ITSN2: variants seen among roughly 807,000 people sequenced by gnomAD.
The protein encoded by ITSN2 is intersectin-2.
Under a neutral mutation model 243.7 loss-of-function variants are expected in ITSN2, and 156 were observed. That is an observed-to-expected ratio of 0.64 (90% confidence interval 0.56 to 0.73). ITSN2 has a LOEUF of 0.73. Among genes scored for constraint, ITSN2 ranks in the 30% least tolerant of loss-of-function variants. ITSN2 has a pLI of 0.00. For synonymous variants in ITSN2, 703 were observed against 699.9 expected (o/e 1.00, Z -0.07); for missense variants, 1,801 against 1,996.1 (o/e 0.90, Z 1.86).
intron 19 of ITSN2, 97 bp downstream of exon 19, chr2:24,271,669 A>T: frequency 7.2e-7 from 1 of 1,392,644 alleles, no homozygotes; most frequent in Non-Finnish European, 9.4e-7. Flanking sequence ...CTCTACAATT[A>T]GTATCTTTCT....
At chr2:24,327,998 C>A (rs1685340222) in intron 2 of ITSN2, 54 bp downstream of exon 2, 3 of 1,247,434 alleles carry the variant, frequency 2.4e-6, no homozygotes, top group African/African-American at 1.5e-5. Context: ...AAACCTCTAC[C>A]AAAAAAAAAA....
At chr2:24,339,034 T>C (rs970523422) in intron 1 of ITSN2, among the ~76,000 whole-genome samples, 5 of 152,132 alleles carry the variant, frequency 3.3e-5, no homozygotes, top group African/African-American at 7.2e-5. Flanking sequence ...AGTGTGCAGA[T>C]AGGCTCTGTT....
At chr2:24,246,576 A>G (rs1053480518) in intron 28 of ITSN2, among the ~76,000 whole-genome samples, 13 of 152,216 alleles carry the variant, frequency 8.5e-5, no homozygotes, top group Admixed American at 2.0e-4. Flanking sequence ...TTTCACATTG[A>G]AAGATTTCAA....
chr2:24,204,109 A>G lies in ITSN2; in HGVS notation c.4936+136T>C, dbSNP rs1439713436. The G allele has an allele frequency of 3.4e-6, 3 of 876,734 alleles. No homozygotes were observed. The highest frequency in any genetic ancestry group is 5.3e-6 in the Non-Finnish European group (3 of 564,518). The allele number at this position is 876,734 out of a possible 1,614,324, so 54.3% of individuals were successfully genotyped here. ...TGAGGAAGGCCACCCACCTGCTGCCAAAGCGAGATGACACAGGCCTGTGTC... is the reference window on the plus strand; with the variant it reads ...TGAGGAAGGCCACCCACCTGCTGCCGAAGCGAGATGACACAGGCCTGTGTC... On this transcript the variant is annotated intron_variant, in intron 39 of 39. Coordinates refer to ENST00000355123, the MANE Select transcript of ITSN2 (RefSeq NM_006277.3). This position sits in a 1 kb window ranked among gnomAD's most constrained non-coding sequence, Gnocchi z 5.1.
intron 29 of ITSN2, among the ~76,000 whole-genome samples, chr2:24,229,976 C>T (rs1671420302): frequency 6.6e-6 from 1 of 152,152 alleles, no homozygotes; most frequent in Admixed American, 6.5e-5. Flanking sequence ...GAACTTTCCT[C>T]GACATACTCA....
intron 29 of ITSN2, among the ~76,000 whole-genome samples, chr2:24,235,537 G>A (rs1672065952): frequency 1.3e-5 from 2 of 152,264 alleles, no homozygotes; most frequent in South Asian, 2.1e-4. Flanking sequence ...CTGCTCTGGT[G>A]GGGGTTGTTG....
intron 8 of ITSN2, among the ~76,000 whole-genome samples, chr2:24,304,805 T>C (rs1020989568): frequency 2.6e-5 from 4 of 152,156 alleles, no homozygotes; most frequent in African/African-American, 9.7e-5. Flanking sequence ...AAAATCATAC[T>C]CGTGGAGGGC....
chr2:24,300,425 A>T (rs2151661112), intron 11 of ITSN2, among the ~76,000 whole-genome samples: 1 of 152,330 alleles, frequency 6.6e-6, no homozygotes, highest in South Asian at 2.1e-4. Flanking sequence ...TGCCAATAAA[A>T]ATACTTTTTC....
chr2:24,217,806 TGAA>T, intron 31 of ITSN2, 98 bp downstream of exon 31: 1 of 652,370 alleles, frequency 1.5e-6, no homozygotes, highest in African/African-American at 1.8e-5. Flanking sequence ...AGAAAGCAGT[TGAA>T]GTTCCTTTGC....
intron 8 of ITSN2, among the ~76,000 whole-genome samples, chr2:24,305,972 T>C (rs1309335860): frequency 1.3e-5 from 2 of 152,166 alleles, no homozygotes; most frequent in African/African-American, 2.4e-5. Flanking sequence ...CTCTTAAGTG[T>C]GCTGCCTAAT....
chr2:24,337,283 A>ATG (rs1311793889), intron 1 of ITSN2, among the ~76,000 whole-genome samples: 121 of 28,622 alleles, frequency 4.2e-3, no homozygotes, highest in African/African-American at 7.8e-3. Context: ...ATATGTATGT[A>ATG]TGTGTGTGTG....
At position 24,261,117 on chromosome 2, in the gene ITSN2, T is replaced by C. The variant is rs1675788991; in HGVS notation, c.2671A>G (p.Ile891Val). Residue 891 changes from isoleucine to valine, a missense_variant, in exon 22 of 40, where the codon ATT (isoleucine) becomes GTT (valine). Ile to Val is a conservative substitution (Grantham distance 29). Transcript: ENST00000355123. ...RTVSPGSVSP[I>V]HGQGQVVENL... is the part of the protein sequence containing the mutation. Reference sequence around the variant, plus strand: ...AACAGACAACATACCTGTCCATGAATAGGTGATACAGATCCAGGGGACACA... The same window carrying C: ...AACAGACAACATACCTGTCCATGAACAGGTGATACAGATCCAGGGGACACA... 1 of 1,613,126 alleles carries C rather than the reference T, an allele frequency of 6.2e-7. No homozygotes were observed. Among genetic ancestry groups the C allele is most frequent in the Non-Finnish European group, 8.5e-7 (1 of 1,179,572 alleles).
intron 29 of ITSN2, among the ~76,000 whole-genome samples, chr2:24,231,171 T>C (rs1671553764): frequency 6.6e-6 from 1 of 152,204 alleles, no homozygotes; most frequent in Non-Finnish European, 1.5e-5. Context: ...AGAACTCCCA[T>C]TCCTCTTCCC....
intron 36 of ITSN2, 75 bp downstream of exon 36, chr2:24,209,019 CTGGAGA>C: frequency 6.6e-7 from 1 of 1,515,758 alleles, no homozygotes; most frequent in Non-Finnish European, 9.1e-7. Flanking sequence ...TTAAGCACGG[CTGGAGA>C]TGGGTTTATG....
intron 2 of ITSN2, among the ~76,000 whole-genome samples, chr2:24,321,043 G>A (rs559260525): frequency 1.1e-4 from 16 of 152,176 alleles, no homozygotes; most frequent in Non-Finnish European, 1.5e-4. Context: ...CAAGGGAGAG[G>A]AACCCTTGGG....
chr2:24,336,017 G>C (rs1416496784), intron 1 of ITSN2, among the ~76,000 whole-genome samples: 1 of 151,678 alleles, frequency 6.6e-6, no homozygotes, highest in Non-Finnish European at 1.5e-5. Flanking sequence ...CGAGGCAGGT[G>C]GATCACGAGG....
chr2:24,328,765 T>G (rs993260313), intron 1 of ITSN2, among the ~76,000 whole-genome samples: 3 of 152,178 alleles, frequency 2.0e-5, no homozygotes, highest in Non-Finnish European at 4.4e-5. Flanking sequence ...ACCCAGCCCA[T>G]AGTATCATTT....
intron 20 of ITSN2, 79 bp downstream of exon 20, chr2:24,270,592 T>C (rs1677216357): frequency 1.4e-6 from 1 of 716,094 alleles, no homozygotes; most frequent in Non-Finnish European, 2.4e-6. Context: ...ATGAAATTAA[T>C]GGTCAACATT....
At chr2:24,252,538 A>G in intron 24 of ITSN2, 27 bp from the exon 25 acceptor site, 2 of 1,542,862 alleles carry the variant, frequency 1.3e-6, no homozygotes, top group Non-Finnish European at 1.8e-6. Flanking sequence ...AAAAAGAAGT[A>G]GATTCTGGTT....
Sources: gnomAD v4.1 joint callset for allele counts (sites outside exome capture counted in the v4.1 genomes callset) on GRCh38, gnomAD v4.1.1 for gene constraint, Gnocchi (gnomAD v3.1) non-coding constraint, MANE v1.5 for transcripts, NCBI Gene and HGNC (gene_info 2026-07-23, HGNC 2026-07-21) for gene names.